STK3: variants seen among roughly 807,000 people sequenced by gnomAD.
STK3 encodes serine/threonine kinase 3, also known as serine/threonine-protein kinase 3.
In STK3, 41 loss-of-function variants were observed where a neutral mutation model predicts 58.0. That is an observed-to-expected ratio of 0.71 (90% CI 0.55 to 0.92). The LOEUF is 0.92. Ranked by LOEUF, STK3 falls within the 40% of genes least tolerant of loss-of-function variation. The probability of loss-of-function intolerance (pLI) is 0.00; values close to 1 mark genes in which losing one functional copy is unlikely to be tolerated. For missense variants in STK3, 479 were observed against 602.7 expected, an observed-to-expected ratio of 0.79 and a Z score of 2.15; for synonymous variants, 170 against 191.0, an observed-to-expected ratio of 0.89 and a Z score of 0.91.
At chr8:98,673,762 T>C (rs998216732) in intron 6 of STK3, among the ~76,000 whole-genome samples, 3 of 152,124 alleles carry the variant, frequency 2.0e-5, no homozygotes, top group African/African-American at 7.2e-5. Flanking sequence ...ATGAAATTCA[T>C]CTCAATAATT....
At chr8:98,820,985 AT>A (rs1179010040) in intron 1 of STK3, among the ~76,000 whole-genome samples, 13 of 152,226 alleles carry the variant, frequency 8.5e-5, no homozygotes, top group African/African-American at 2.6e-4. Flanking sequence ...CTCAAAAAAA[AT>A]AATAAAATAA....
chr8:98,796,418 T>G (rs569948578), intron 1 of STK3, among the ~76,000 whole-genome samples: 118 of 152,292 alleles, frequency 7.7e-4, no homozygotes, highest in Admixed American at 1.8e-3. Flanking sequence ...TAAATGGTGC[T>G]GGGATAGCTG....
chr8:98,378,952 C>T (rs1817703321), intron 2 of STK3, among the ~76,000 whole-genome samples: 1 of 152,170 alleles, frequency 6.6e-6, no homozygotes, highest in Non-Finnish European at 1.5e-5. Context: ...ACTGAGAACC[C>T]TGTGGTGTTT....
chr8:98,695,418 G>A (rs1266495057), intron 6 of STK3, among the ~76,000 whole-genome samples: 2 of 152,050 alleles, frequency 1.3e-5, no homozygotes, highest in Non-Finnish European at 2.9e-5. Context: ...TGAAGTCCTT[G>A]CCCATGCCTA....
intron 7 of STK3, chr8:98,595,543 A>G (rs1205337686): frequency 6.6e-6 from 1 of 152,146 alleles, no homozygotes; most frequent in East Asian, 1.9e-4. Context: ...TTCTATTTGC[A>G]TTAAATTTTA....
In STK3 at chr8:98,428,163, T is replaced by C; in HGVS notation, n.483+5964A>G. 1 of 1,614,106 alleles carries C rather than the reference T, an allele frequency of 6.2e-7. No individual in the cohort carries two copies. Among genetic ancestry groups the C allele is most frequent in the Non-Finnish European group, 8.5e-7 (1 of 1,180,016 alleles). On this transcript the variant is annotated intron_variant and non_coding_transcript_variant, in intron 3 of 3. Coordinates refer to the STK3 transcript ENST00000517832. This position sits in a 1 kb window ranked among gnomAD's most constrained non-coding sequence, Gnocchi z 6.7. ...GGCCATTCTGGAGCTCTGCGATGACTACGACGACGTCCAGCGGGAGTTCTA... is the reference window on the plus strand; with the variant it reads ...GGCCATTCTGGAGCTCTGCGATGACCACGACGACGTCCAGCGGGAGTTCTA...
rs139725842 is a variant in STK3, at chr8:98,791,444, A to G, written c.27-16625T>C. On this transcript the variant is annotated intron_variant, in intron 1 of 10. Coordinates refer to ENST00000419617, the MANE Select transcript of STK3 (RefSeq NM_006281.4). Reference sequence around the variant, plus strand: ...CAATTCCCATCAAAATACCACCATCATTCTTCACAGAATTAGAAAAAACAA... The same window carrying G: ...CAATTCCCATCAAAATACCACCATCGTTCTTCACAGAATTAGAAAAAACAA... Among the ~76,000 whole-genome samples the G allele has an allele frequency of 4.4e-3, 675 of 152,308 alleles. 7 individuals carry two copies. Among genetic ancestry groups the G allele is most frequent in the African/African-American group, 0.015 (622 of 41,562 alleles).
intron 1 of STK3, among the ~76,000 whole-genome samples, chr8:98,809,608 T>C (rs780088025): frequency 6.6e-6 from 1 of 152,236 alleles, no homozygotes; most frequent in Non-Finnish European, 1.5e-5. Flanking sequence ...TGTGTGTACT[T>C]TGCTTCAGTT....
At chr8:98,919,297 A>G (rs1055207849) in intron 1 of STK3, among the ~76,000 whole-genome samples, 1 of 152,214 alleles carries the variant, frequency 6.6e-6, no homozygotes, top group Non-Finnish European at 1.5e-5. Flanking sequence ...GAGAGGTAAT[A>G]CATCTGTCCA....
At chr8:98,703,572 A>T (rs1205046819) in intron 6 of STK3, among the ~76,000 whole-genome samples, 2 of 152,200 alleles carry the variant, frequency 1.3e-5, no homozygotes, top group African/African-American at 2.4e-5. Context: ...GCAAGCATGG[A>T]GAACACTACC....
intron 6 of STK3, among the ~76,000 whole-genome samples, chr8:98,616,494 C>A (rs1817729090): frequency 6.9e-6 from 1 of 145,318 alleles, no homozygotes; most frequent in African/African-American, 2.5e-5. Context: ...ACTAAATGCT[C>A]CAATTAAAAG....
intron 3 of STK3, among the ~76,000 whole-genome samples, chr8:98,765,873 G>A: frequency 6.6e-6 from 1 of 152,172 alleles, no homozygotes. Context: ...ATCCCTTATA[G>A]AATAAAGCCT....
chr8:98,904,135 C>A (rs1177430540), intron 1 of STK3, among the ~76,000 whole-genome samples: 1 of 152,062 alleles, frequency 6.6e-6, no homozygotes, highest in African/African-American at 2.4e-5. Flanking sequence ...ACAACACAAC[C>A]CCCAATGGTC....
chr8:98,515,321 A>C (rs1312077369), intron 10 of STK3, among the ~76,000 whole-genome samples: 3 of 152,134 alleles, frequency 2.0e-5, no homozygotes, highest in Non-Finnish European at 4.4e-5. Flanking sequence ...CTAGGTTACT[A>C]CTGCATCATA....
At chr8:98,481,336 T>TA (rs1385897137) in intron 10 of STK3, among the ~76,000 whole-genome samples, 3 of 152,110 alleles carry the variant, frequency 2.0e-5, no homozygotes, top group African/African-American at 7.2e-5. Flanking sequence ...GTCGCAAAGA[T>TA]ATGGAATTAA....
At chr8:98,898,861 A>G (rs1838554582) in intron 1 of STK3, among the ~76,000 whole-genome samples, 1 of 152,210 alleles carries the variant, frequency 6.6e-6, no homozygotes, top group Admixed American at 6.5e-5. Flanking sequence ...TCTGACATGT[A>G]GCTAATTCAA....
At chr8:98,601,115 T>C (rs1357813048) in intron 6 of STK3, among the ~76,000 whole-genome samples, 1 of 152,080 alleles carries the variant, frequency 6.6e-6, no homozygotes, top group Non-Finnish European at 1.5e-5. Flanking sequence ...CTGAGGAAGG[T>C]GGATTGCTTG....
intron 8 of STK3, among the ~76,000 whole-genome samples, chr8:98,562,365 C>A (rs1191587554): frequency 6.6e-6 from 1 of 151,764 alleles, no homozygotes; most frequent in African/African-American, 2.4e-5. Context: ...ACAAAAAAAA[C>A]CATGGATGAC....
intron 1 of STK3, among the ~76,000 whole-genome samples, chr8:98,910,044 G>T (rs1252980444): frequency 1.3e-5 from 2 of 152,114 alleles, no homozygotes; most frequent in East Asian, 1.9e-4. Context: ...CCAACCTAGT[G>T]GGTATGAAGT....
Sources: allele counts gnomAD v4.1 joint callset (sites outside exome capture counted in the v4.1 genomes callset), GRCh38; gene constraint gnomAD v4.1.1; non-coding constraint Gnocchi (gnomAD v3.1); transcripts MANE v1.5; gene names NCBI Gene and HGNC (gene_info 2026-07-23, HGNC 2026-07-21).